NBEA: variants seen among roughly 807,000 people sequenced by gnomAD.
NBEA encodes neurobeachin.
NBEA carries 44 observed loss-of-function variants against 343.4 expected under a neutral mutation model. That is an observed-to-expected ratio of 0.13 (90% CI 0.10 to 0.16). NBEA has a LOEUF of 0.16. Among genes scored for constraint, NBEA ranks in the 10% least tolerant of loss-of-function variants. The pLI, the probability that NBEA is intolerant of heterozygous loss-of-function variation, is 1.00. For synonymous variants in NBEA, 1,175 were observed against 1,238.7 expected (o/e 0.95, Z 1.08); for missense variants, 2,555 against 3,631.3 (o/e 0.70, Z 7.62).
At chr13:35,111,433 C>A (rs1429707963) in intron 13 of NBEA, among the ~76,000 whole-genome samples, 3 of 150,500 alleles carry the variant, frequency 2.0e-5, no homozygotes, top group Non-Finnish European at 4.4e-5. Flanking sequence ...TCTAATTATA[C>A]AAAAAATATA....
intron 18 of NBEA, among the ~76,000 whole-genome samples, chr13:35,149,967 A>G (rs1443727782): frequency 6.6e-6 from 1 of 152,194 alleles, no homozygotes; most frequent in Non-Finnish European, 1.5e-5. Context: ...GTGTATACCT[A>G]GTATCCAGAT....
Position 35,070,125 on chromosome 13 carries a change from G to T in NBEA, c.1437+20G>T. 1 of 1,457,072 alleles carries T rather than the reference G, an allele frequency of 6.9e-7. No individual in the cohort carries two copies. 90.3% of individuals were successfully genotyped at this position (1,457,072 alleles called of 1,614,324 possible). A position where few individuals can be genotyped will look rare whatever the true frequency, so the allele number is the denominator to read the frequency against. ...CTTCAGGTGGGTGAATCGTGGCTTT[G>T]TTTTCATGTTCTTGTCAGAATTTGA... On this transcript the variant is annotated intron_variant, in intron 9 of 58. Coordinates refer to ENST00000379939, the MANE Select transcript of NBEA (RefSeq NM_001385012.1).
intron 34 of NBEA, among the ~76,000 whole-genome samples, chr13:35,270,102 T>C (rs552702507): frequency 1.3e-5 from 2 of 152,194 alleles, no homozygotes; most frequent in Non-Finnish European, 2.9e-5. Flanking sequence ...ATTTTTTTCT[T>C]ACAAATAAAT....
At chr13:35,474,011 A>G (rs138939666) in intron 41 of NBEA, among the ~76,000 whole-genome samples, 4 of 152,284 alleles carry the variant, frequency 2.6e-5, no homozygotes, top group African/African-American at 9.6e-5. Context: ...ATTGTCTTAC[A>G]AGTAAGTTAG....
intron 40 of NBEA, 139 bp downstream of exon 40, chr13:35,452,374 A>G: frequency 4.6e-6 from 3 of 657,042 alleles, no homozygotes; most frequent in South Asian, 2.0e-5. Context: ...ACTCTACTTT[A>G]TCTCATTTCT....
At chr13:35,578,260 A>G (rs922495757) in intron 45 of NBEA, among the ~76,000 whole-genome samples, 1 of 152,142 alleles carries the variant, frequency 6.6e-6, no homozygotes, top group African/African-American at 2.4e-5. Context: ...TCTTCAGTGT[A>G]CTCATTTGTA....
intron 51 of NBEA, among the ~76,000 whole-genome samples, chr13:35,648,871 G>A (rs2084374629): frequency 6.7e-6 from 1 of 148,276 alleles, no homozygotes; most frequent in African/African-American, 2.5e-5. Flanking sequence ...GGGGGTGGGG[G>A]TGGTGGGAGG....
rs373602846 is a variant in NBEA at position 35,358,061 on chromosome 13, A to G, written c.6179+5738A>G. On this transcript the variant is annotated intron_variant, in intron 38 of 58. Transcript: ENST00000379939. ...AATTGAGATGGAGTCTCACGCTGTC[A>G]CCCAGGCTGAAGTTCAGTGGCACGA... Among the ~76,000 whole-genome samples the G allele has an allele frequency of 1.1e-4, 16 of 152,120 alleles. No homozygotes were observed. In the East Asian group the frequency reaches 3.1e-3, roughly 30 times the overall value.
At chr13:35,170,792 C>T (rs2070402187) in intron 25 of NBEA, among the ~76,000 whole-genome samples, 1 of 151,794 alleles carries the variant, frequency 6.6e-6, no homozygotes, top group African/African-American at 2.4e-5. Flanking sequence ...ACAGCCATCT[C>T]ATTTTGATAC....
At chr13:35,108,100 A>G (rs2152654901) in intron 11 of NBEA, among the ~76,000 whole-genome samples, 1 of 152,186 alleles carries the variant, frequency 6.6e-6, no homozygotes, top group East Asian at 1.9e-4. Flanking sequence ...AAAATTGGTA[A>G]GACAATTTCA....
intron 34 of NBEA, among the ~76,000 whole-genome samples, chr13:35,242,871 A>G (rs1308287492): frequency 6.6e-6 from 1 of 151,938 alleles, no homozygotes; most frequent in Admixed American, 6.6e-5. Context: ...GAGAGCATTT[A>G]TTACTACTAG....
chr13:35,669,444 A>G (rs1343087912), intron 58 of NBEA, among the ~76,000 whole-genome samples: 1 of 152,208 alleles, frequency 6.6e-6, no homozygotes, highest in East Asian at 1.9e-4. Context: ...CATCTTCACA[A>G]TATAATAAAA....
At chr13:35,526,874 G>A (rs2078000030) in intron 41 of NBEA, among the ~76,000 whole-genome samples, 1 of 152,166 alleles carries the variant, frequency 6.6e-6, no homozygotes, top group Non-Finnish European at 1.5e-5. Context: ...CAGGCATACT[G>A]CAAGTGGCTT....
intron 44 of NBEA, among the ~76,000 whole-genome samples, chr13:35,562,140 T>C (rs1268202418): frequency 1.3e-5 from 2 of 152,214 alleles, no homozygotes; most frequent in Admixed American, 1.3e-4. Context: ...GGCATGACTT[T>C]TAAAACTACA....
intron 10 of NBEA, among the ~76,000 whole-genome samples, chr13:35,085,017 C>T (rs976348975): frequency 6.6e-6 from 1 of 152,250 alleles, no homozygotes. Flanking sequence ...CATACACCCT[C>T]CCAAGACTAG....
intron 38 of NBEA, among the ~76,000 whole-genome samples, chr13:35,406,151 C>CT (rs1298968469): frequency 6.6e-6 from 1 of 152,122 alleles, no homozygotes; most frequent in Non-Finnish European, 1.5e-5. Context: ...TCATTTCTCT[C>CT]TTTTTACTCT....
intron 39 of NBEA, among the ~76,000 whole-genome samples, chr13:35,433,062 C>T (rs1483095731): frequency 6.6e-6 from 1 of 152,072 alleles, no homozygotes; most frequent in East Asian, 1.9e-4. Flanking sequence ...TGGTCTCCTA[C>T]TTACAGTATC....
At chr13:35,438,128 T>C (rs1181853053) in intron 39 of NBEA, among the ~76,000 whole-genome samples, 2 of 151,716 alleles carry the variant, frequency 1.3e-5, no homozygotes, top group East Asian at 1.9e-4. Context: ...AAAAAAAACA[T>C]GGAGCAAAAA....
intron 1 of NBEA, among the ~76,000 whole-genome samples, chr13:34,977,098 G>A (rs544631430): frequency 2.6e-5 from 4 of 151,500 alleles, no homozygotes; most frequent in African/African-American, 7.3e-5. Context: ...GCACCATCAC[G>A]GCCAGCAAAT....
Sources: allele counts gnomAD v4.1 joint callset (sites outside exome capture counted in the v4.1 genomes callset), GRCh38; gene constraint gnomAD v4.1.1; transcripts MANE v1.5; gene names NCBI Gene and HGNC (gene_info 2026-07-23, HGNC 2026-07-21).